The following SAP30L variants were observed in gnomAD, a reference collection of about 807,000 sequenced individuals.
SAP30L encodes SAP30 like.
A neutral mutation model predicts 22.3 loss-of-function variants in SAP30L; 10 were observed. That is an observed-to-expected ratio of 0.45 (90% CI 0.28 to 0.76). SAP30L has a LOEUF of 0.76. SAP30L is among the 30% of genes least tolerant of loss of function. The pLI, the probability that SAP30L is intolerant of heterozygous loss-of-function variation, is 0.14. For missense variants in SAP30L, 206 were observed against 237.9 expected (o/e 0.87, Z 0.88); for synonymous variants, 91 against 94.1 (o/e 0.97, Z 0.19).
rs1757302088 is a variant in SAP30L at position 154,458,131 on chromosome 5, G to A, written c.*2103G>A. ...TCCATCTGTTCAATTGTGTCTGAAA[G>A]AATCTTTATTCCAAAGCGAAACCTG... is the stretch of plus-strand genomic sequence containing the variant. On this transcript the variant is annotated 3_prime_UTR_variant, in exon 4 of 4. Transcript: ENST00000297109. 6.6e-6 allele frequency: 1 copy of A among 152,210 alleles called. No individual in the cohort carries two copies. The highest frequency in any genetic ancestry group is 2.4e-5 in the African/African-American group (1 of 41,444). 9.4% of individuals were successfully genotyped at this position (152,210 alleles called of 1,614,324 possible).
At position 154,458,197 on chromosome 5, in the gene SAP30L, T is replaced by G. The variant is rs775566140; in HGVS notation, c.*2169T>G. 1.3e-5 allele frequency: 2 copies of G among 152,244 alleles called. No individual in the cohort carries two copies. Among genetic ancestry groups the G allele is most frequent in the African/African-American group, 4.8e-5 (2 of 41,462 alleles). 9.4% of individuals were successfully genotyped at this position (152,244 alleles called of 1,614,324 possible). On this transcript the variant is annotated 3_prime_UTR_variant, in exon 4 of 4. Coordinates refer to ENST00000297109, the MANE Select transcript of SAP30L (RefSeq NM_024632.6). ...TTCAGCCAGATGCTGTGTGTGTACT[T>G]GGGTCCCTTGTCTTTCCTCTAAGGA...
intron 3 of SAP30L, among the ~76,000 whole-genome samples, chr5:154,454,321 C>A (rs1009666559): frequency 6.6e-6 from 1 of 152,198 alleles, no homozygotes; most frequent in Non-Finnish European, 1.5e-5. Context: ...AAATGCTCCA[C>A]TGGCCATTTT....
At chr5:154,449,239 C>T (rs145406811) in intron 1 of SAP30L, among the ~76,000 whole-genome samples, 71 of 152,204 alleles carry the variant, frequency 4.7e-4, no homozygotes, top group African/African-American at 1.6e-3. Flanking sequence ...CTCCAGTTGA[C>T]ATATTTCTGC....
chr5:154,446,391 G>T lies in SAP30L; in HGVS notation c.-214G>T. On this transcript the variant is annotated 5_prime_UTR_variant, in exon 1 of 4. Coordinates refer to ENST00000297109, the MANE Select transcript of SAP30L (RefSeq NM_024632.6). ...GCGAGCCGCGGGAGCCGACCCCGGG[G>T]CCTCGAGCCGGGAGGAAGGGGGCTT... 1 of 405,858 alleles carries T rather than the reference G, an allele frequency of 2.5e-6. No homozygotes were observed. Among genetic ancestry groups the T allele is most frequent in the Non-Finnish European group, 4.3e-6 (1 of 232,784 alleles). 25.1% of individuals were successfully genotyped at this position (405,858 alleles called of 1,614,324 possible). A position where few individuals can be genotyped will look rare whatever the true frequency, so the allele number is the denominator to read the frequency against.
chr5:154,447,806 A>G (rs537872333), intron 1 of SAP30L, among the ~76,000 whole-genome samples: 1 of 152,254 alleles, frequency 6.6e-6, no homozygotes, highest in African/African-American at 2.4e-5. Flanking sequence ...AGGCCCAGAG[A>G]TAGGAAGTGA....
At chr5:154,447,969 CTTTTTTTTTTTTTTTT>C (rs140213326) in intron 1 of SAP30L, among the ~76,000 whole-genome samples, 7 of 88,350 alleles carry the variant, frequency 7.9e-5, no homozygotes, top group Non-Finnish European at 1.4e-4. Flanking sequence ...TTTTCTTTTT[CTTTTTTTTTTTTTTTT>C]TTTTTTTTGA....
intron 3 of SAP30L, among the ~76,000 whole-genome samples, chr5:154,454,703 GCCAGTGTTCTC>G (rs1757227499): frequency 6.6e-6 from 1 of 152,168 alleles, no homozygotes; most frequent in African/African-American, 2.4e-5. Flanking sequence ...TCACCCATTT[GCCAGTGTTCTC>G]CCTGGTGGAA....
chr5:154,458,481 G>A lies in SAP30L; in HGVS notation c.*2453G>A, dbSNP rs573410675. On this transcript the variant is annotated 3_prime_UTR_variant, in exon 4 of 4. Coordinates refer to ENST00000297109, the MANE Select transcript of SAP30L (RefSeq NM_024632.6). Reference sequence around the variant, plus strand: ...CAGAGCAACGGGGTCTGGCTTCAGGGAGCAGTGGGGTGTGGGGAAAGCAAT... The same window carrying A: ...CAGAGCAACGGGGTCTGGCTTCAGGAAGCAGTGGGGTGTGGGGAAAGCAAT... 6.6e-6 allele frequency: 1 copy of A among 152,386 alleles called. No homozygotes were observed. Among genetic ancestry groups the A allele is most frequent in the African/African-American group, 2.4e-5 (1 of 41,572 alleles). 9.4% of individuals were successfully genotyped at this position (152,386 alleles called of 1,614,324 possible).
chr5:154,450,747 C>A (rs1208273177), intron 1 of SAP30L, among the ~76,000 whole-genome samples: 1 of 152,158 alleles, frequency 6.6e-6, no homozygotes, highest in Non-Finnish European at 1.5e-5. Flanking sequence ...GCACTCCTAC[C>A]CATCTGGAAT....
At chr5:154,446,850 C>T (rs189190509) in intron 1 of SAP30L, 45 bp downstream of exon 1, 1 of 1,521,852 alleles carries the variant, frequency 6.6e-7, no homozygotes, top group East Asian at 2.4e-5. Flanking sequence ...GCCCCCAGCT[C>T]TCCGTCCGCT....
At chr5:154,448,187 G>A (rs1040211581) in intron 1 of SAP30L, among the ~76,000 whole-genome samples, 7 of 152,146 alleles carry the variant, frequency 4.6e-5, no homozygotes, top group South Asian at 2.1e-4. Flanking sequence ...TGTTGGACAG[G>A]CTGGTCTTGA....
rs1757348375 is a variant in SAP30L, at chr5:154,460,367, C to T, written c.*4339C>T. Reference sequence around the variant, plus strand: ...ATCTCTTGGTCAGATATCTGCCTTCCAGGCGATCCTTTGAGGTTGTGTAAT... The same window carrying T: ...ATCTCTTGGTCAGATATCTGCCTTCTAGGCGATCCTTTGAGGTTGTGTAAT... On this transcript the variant is annotated 3_prime_UTR_variant, in exon 4 of 4. Transcript: ENST00000297109. 6.6e-6 allele frequency: 1 copy of T among 152,244 alleles called. No homozygotes were observed. The highest frequency in any genetic ancestry group is 2.4e-5 in the African/African-American group (1 of 41,456). The allele number at this position is 152,244 out of a possible 1,614,324, so 9.4% of individuals were successfully genotyped here.
At position 154,451,134 on chromosome 5, in the gene SAP30L, A is replaced by G; in HGVS notation, c.245A>G (p.Gln82Arg). The change falls in exon 2 of 4, where the codon CAG becomes CGG. Residue 82 changes from glutamine to arginine, a missense_variant. By Grantham distance (43) the Gln-to-Arg change is conservative (BLOSUM62 1). Coordinates refer to ENST00000297109, the MANE Select transcript of SAP30L (RefSeq NM_024632.6). ...YICDFHKNFI[Q>R]SVRNKRKRKT... ...TGTGATTTTCACAAAAATTTCATCC[A>G]GAGTGTCCGAAATAAAAGGAAGAGG... The G allele has an allele frequency of 6.2e-7, 1 of 1,614,160 alleles. No homozygotes were observed. The highest frequency in any genetic ancestry group is 2.2e-5 in the East Asian group (1 of 44,892).
intron 1 of SAP30L, among the ~76,000 whole-genome samples, chr5:154,449,817 T>A (rs760074868): frequency 6.6e-6 from 1 of 152,200 alleles, no homozygotes; most frequent in Non-Finnish European, 1.5e-5. Context: ...TAAGCCACTT[T>A]TAGATATAGG....
chr5:154,451,166 A>G lies in SAP30L; in HGVS notation c.277A>G (p.Ser93Gly), dbSNP rs200193163. 49 of 1,614,086 alleles carry G rather than the reference A, an allele frequency of 3.0e-5. No homozygotes were observed. Among genetic ancestry groups the G allele is most frequent in the Admixed American group, 1.3e-4 (8 of 59,994 alleles). ...SVRNKRKRKT[S>G]DDGGDSPEHD... ...CCGAAATAAAAGGAAGAGGAAGACAAGTGACGATGGCGGAGATTCTCCCGA... is the reference window on the plus strand; with the variant it reads ...CCGAAATAAAAGGAAGAGGAAGACAGGTGACGATGGCGGAGATTCTCCCGA... The change falls in exon 2 of 4, where the codon AGT becomes GGT. Residue 93 changes from serine to glycine, a missense_variant. By Grantham distance (56) the Ser-to-Gly change is moderately conservative (BLOSUM62 0). Coordinates refer to ENST00000297109, the MANE Select transcript of SAP30L (RefSeq NM_024632.6).
In SAP30L at chr5:154,451,352, TATAGTA is replaced by T. The variant is rs1452576147; in HGVS notation, c.324+143_324+148del. 4.4e-6 allele frequency: 4 copies of T among 907,758 alleles called. No homozygotes were observed. In the African/African-American group the frequency reaches 6.7e-5, roughly 15 times the overall value. The allele number at this position is 907,758 out of a possible 1,614,324, so 56.2% of individuals were successfully genotyped here. A position where few individuals can be genotyped will look rare whatever the true frequency, so the allele number is the denominator to read the frequency against. On this transcript the variant is annotated intron_variant, in intron 2 of 3. Coordinates refer to ENST00000297109, the MANE Select transcript of SAP30L (RefSeq NM_024632.6). ...GCTGTGGATTATTTGAAAAGTGAAT[TATAGTA>T]ATATGGAATCTGAGAGCTAAAAGCT... is the stretch of plus-strand genomic sequence containing the variant.
At chr5:154,450,529 GTCT>G (rs1035633425) in intron 1 of SAP30L, among the ~76,000 whole-genome samples, 3 of 152,122 alleles carry the variant, frequency 2.0e-5, no homozygotes, top group Non-Finnish European at 4.4e-5. Flanking sequence ...ACTCCTACAG[GTCT>G]TCTAAAAATG....
chr5:154,451,259 T>A, intron 2 of SAP30L, 46 bp downstream of exon 2: 1 of 1,596,366 alleles, frequency 6.3e-7, no homozygotes, highest in Non-Finnish European at 8.5e-7. Flanking sequence ...GAATGGATTC[T>A]AATCTGATTC....
intron 3 of SAP30L, among the ~76,000 whole-genome samples, chr5:154,453,732 A>C (rs1209274709): frequency 1.3e-5 from 2 of 152,258 alleles, no homozygotes; most frequent in Non-Finnish European, 2.9e-5. Context: ...GCTTAAAATC[A>C]CACAGCAAGT....
Sources: gnomAD v4.1 joint callset for allele counts (sites outside exome capture counted in the v4.1 genomes callset) on GRCh38, gnomAD v4.1.1 for gene constraint, MANE v1.5 for transcripts, NCBI Gene and HGNC (gene_info 2026-07-23, HGNC 2026-07-21) for gene names.